The following PRKCE variants were observed in gnomAD, a reference collection of about 807,000 sequenced individuals.
PRKCE encodes protein kinase C epsilon.
Under a neutral mutation model 85.4 loss-of-function variants are expected in PRKCE, and 16 were observed. The ratio of observed to expected loss-of-function variants is 0.19; its 90% CI spans 0.13 to 0.28. The LOEUF (loss-of-function observed/expected upper bound fraction) is 0.28, where lower values mean the gene tolerates loss of function less well. Among genes scored for constraint, PRKCE ranks in the 10% least tolerant of loss-of-function variants. PRKCE has a pLI of 1.00. For missense variants in PRKCE, 573 were observed against 975.2 expected, an observed-to-expected ratio of 0.59 and a Z score of 5.49; for synonymous variants, 388 against 371.5, an observed-to-expected ratio of 1.04 and a Z score of -0.51.
chr2:45,841,695 C>T lies in PRKCE; in HGVS notation c.349-1305C>T, dbSNP rs535171799. 1.4e-4 allele frequency among the ~76,000 whole-genome samples: 22 copies of T among 152,332 alleles called. No homozygotes were observed. The South Asian group carries it at 2.5e-3, about 17-fold the overall frequency. ...CAAGTTGACACTCAATATTAACCAT[C>T]GCAGGAGCCATGAGTAAGATGTGTC... is the stretch of plus-strand genomic sequence containing the variant. On this transcript the variant is annotated intron_variant, in intron 1 of 14. Transcript: ENST00000306156.
intron 1 of PRKCE, among the ~76,000 whole-genome samples, chr2:45,761,099 G>A (rs1684441476): frequency 6.6e-6 from 1 of 152,042 alleles, no homozygotes; most frequent in Admixed American, 6.5e-5. Context: ...AGGCCAAGGT[G>A]GGCGGATCAC....
intron 12 of PRKCE, among the ~76,000 whole-genome samples, chr2:46,146,361 G>T (rs564435469): frequency 7.9e-5 from 12 of 152,384 alleles, no homozygotes; most frequent in African/African-American, 2.9e-4. Flanking sequence ...GTTTGAGCAC[G>T]TGCTAGGCAC....
chr2:45,844,663 T>C (rs79055140), intron 2 of PRKCE, among the ~76,000 whole-genome samples: 1 of 152,242 alleles, frequency 6.6e-6, no homozygotes, highest in Non-Finnish European at 1.5e-5. Flanking sequence ...TCCCCTTTTT[T>C]CCTTACATAA....
intron 12 of PRKCE, among the ~76,000 whole-genome samples, chr2:46,148,430 C>G (rs1367484537): frequency 1.3e-5 from 2 of 152,200 alleles, no homozygotes; most frequent in Non-Finnish European, 2.9e-5. Flanking sequence ...GGCAGGGCGG[C>G]TCTGTGGTTT....
intron 6 of PRKCE, among the ~76,000 whole-genome samples, chr2:46,000,186 G>A (rs2595219): frequency 0.63 from 95,361 of 150,210 alleles, 30,445 homozygotes; most frequent in Admixed American, 0.69. Flanking sequence ...ATGCCTTACA[G>A]TTTTTTCTTG....
chr2:46,098,169 A>G (rs1226894440), intron 11 of PRKCE, among the ~76,000 whole-genome samples: 1 of 152,194 alleles, frequency 6.6e-6, no homozygotes, highest in Non-Finnish European at 1.5e-5. Flanking sequence ...TAGCTCATAT[A>G]GAACTGAGAA....
At chr2:46,035,406 T>C (rs535165418) in intron 10 of PRKCE, among the ~76,000 whole-genome samples, 1 of 152,348 alleles carries the variant, frequency 6.6e-6, no homozygotes, top group African/African-American at 2.4e-5. Context: ...GACTAGACCA[T>C]ACCCCAGGGC....
At chr2:45,729,191 G>A (rs759356221) in intron 1 of PRKCE, among the ~76,000 whole-genome samples, 7 of 152,180 alleles carry the variant, frequency 4.6e-5, no homozygotes, top group African/African-American at 7.2e-5. Flanking sequence ...CTGATACCAC[G>A]TCACTTATAC....
At chr2:46,136,551 AC>A (rs1574566851) in intron 11 of PRKCE, among the ~76,000 whole-genome samples, 1 of 152,092 alleles carries the variant, frequency 6.6e-6, no homozygotes, top group Non-Finnish European at 1.5e-5. Flanking sequence ...ACTCACCCCC[AC>A]CCCACCTTAA....
At chr2:45,938,962 G>T (rs1033067361) in intron 2 of PRKCE, among the ~76,000 whole-genome samples, 2 of 152,106 alleles carry the variant, frequency 1.3e-5, no homozygotes, top group African/African-American at 4.8e-5. Flanking sequence ...TTGCGGCTGA[G>T]TCAACACTCA....
At chr2:45,718,100 C>T (rs1573049068) in intron 1 of PRKCE, among the ~76,000 whole-genome samples, 2 of 152,114 alleles carry the variant, frequency 1.3e-5, no homozygotes, top group East Asian at 1.9e-4. Context: ...ACATTTGGGC[C>T]GGATAACTTT....
At chr2:45,880,396 G>A (rs1344844353) in intron 2 of PRKCE, among the ~76,000 whole-genome samples, 2 of 152,168 alleles carry the variant, frequency 1.3e-5, no homozygotes, top group Non-Finnish European at 2.9e-5. Flanking sequence ...CCCATTAGTA[G>A]CATTGCTGGA....
intron 6 of PRKCE, among the ~76,000 whole-genome samples, chr2:45,997,687 C>T (rs937117219): frequency 6.6e-6 from 1 of 152,062 alleles, no homozygotes; most frequent in African/African-American, 2.4e-5. Flanking sequence ...GCTGGGATTG[C>T]AGGCATACGC....
intron 1 of PRKCE, among the ~76,000 whole-genome samples, chr2:45,659,097 C>T (rs1675515792): frequency 6.6e-6 from 1 of 152,134 alleles, no homozygotes; most frequent in African/African-American, 2.4e-5. Flanking sequence ...CATGCCTGAC[C>T]CTGAACTCTA....
chr2:45,677,331 G>GGGTT (rs386645620), intron 1 of PRKCE, among the ~76,000 whole-genome samples: 2 of 108,576 alleles, frequency 1.8e-5, no homozygotes, highest in East Asian at 2.7e-4. Context: ...TTTTTTTTTT[G>GGGTT]TTTTTTTTTT....
At position 45,701,830 on chromosome 2, in the gene PRKCE, G is replaced by T. The variant is rs141740669; in HGVS notation, c.348+49382G>T. 2.2e-4 allele frequency among the ~76,000 whole-genome samples: 34 copies of T among 152,212 alleles called. 1 individual carries two copies. The highest frequency in any genetic ancestry group is 7.7e-4 in the African/African-American group (32 of 41,536). ...AAACATCTGGATTCTTAGAGACACC[G>T]ACGAGTCTAGATTATTTTTTTCCTT... On this transcript the variant is annotated intron_variant, in intron 1 of 14. Coordinates refer to ENST00000306156, the MANE Select transcript of PRKCE (RefSeq NM_005400.3).
intron 2 of PRKCE, among the ~76,000 whole-genome samples, chr2:45,956,184 T>C (rs1700963171): frequency 6.6e-6 from 1 of 152,258 alleles, no homozygotes; most frequent in South Asian, 2.1e-4. Flanking sequence ...CCGCACTTTA[T>C]AGCTACACAC....
chr2:45,777,506 G>A lies in PRKCE; in HGVS notation c.349-65494G>A, dbSNP rs181751208. On this transcript the variant is annotated intron_variant, in intron 1 of 14. Coordinates refer to ENST00000306156, the MANE Select transcript of PRKCE (RefSeq NM_005400.3). ...TAATGTGACTTCCTCATACCCCTCA[G>A]CTGATGAGCAACAGAGCTGGGACTA... Among the ~76,000 whole-genome samples the A allele has an allele frequency of 9.2e-5, 14 of 152,236 alleles. No individual in the cohort carries two copies. In the East Asian group the frequency reaches 2.7e-3, roughly 29 times the overall value.
At position 45,984,596 on chromosome 2, in the gene PRKCE, A is replaced by G. The variant is rs1388726033; in HGVS notation, c.739A>G (p.Ile247Val). 6.3e-7 allele frequency: 1 copy of G among 1,599,834 alleles called. No homozygotes were observed. The highest frequency in any genetic ancestry group is 8.5e-7 in the Non-Finnish European group (1 of 1,179,916). Residue 247 changes from isoleucine to valine, a missense_variant, in exon 6 of 15, where the codon ATC becomes GTC. Ile to Val is a conservative substitution (Grantham distance 29). Around this residue, in one of 11 missense-constraint regions of PRKCE, gnomAD observed 55 missense variants for 128.1 expected, o/e 0.43. Transcript: ENST00000306156. ...CGTCAACATGCCCCACAAGTTCGGT[A>G]TCCACAACTACAAGGTCCCTACCTT... ...FSVNMPHKFG[I>V]HNYKVPTFCD...
Sources: allele counts gnomAD v4.1 joint callset (sites outside exome capture counted in the v4.1 genomes callset), GRCh38; gene constraint gnomAD v4.1.1; regional missense constraint gnomAD v4.1.1; transcripts MANE v1.5; gene names NCBI Gene and HGNC (gene_info 2026-07-23, HGNC 2026-07-21).